The following DLC1 variants were observed in gnomAD, a reference collection of about 807,000 sequenced individuals.
DLC1 encodes DLC1 Rho GTPase activating protein.
DLC1 carries 54 observed loss-of-function variants against 140.3 expected under a neutral mutation model. The ratio of observed to expected loss-of-function variants is 0.38; its 90% confidence interval spans 0.31 to 0.48. The LOEUF (loss-of-function observed/expected upper bound fraction) is 0.48, where lower values mean the gene tolerates loss of function less well. Ranked by LOEUF, DLC1 falls within the 20% of genes least tolerant of loss-of-function variation. DLC1 has a pLI of 0.96. For missense variants in DLC1, 2,536 were observed against 1,907.0 expected, an observed-to-expected ratio of 1.33 and a Z score of -6.14; for synonymous variants, 986 against 728.1, an observed-to-expected ratio of 1.35 and a Z score of -5.70.
chr8:13,123,175 T>C (rs920539781), intron 5 of DLC1, among the ~76,000 whole-genome samples: 7 of 152,162 alleles, frequency 4.6e-5, no homozygotes, highest in Non-Finnish European at 7.4e-5. Flanking sequence ...GAAGTGACCC[T>C]GTACACGTCA....
chr8:13,131,409 A>G (rs910170826), intron 5 of DLC1, among the ~76,000 whole-genome samples: 1 of 152,178 alleles, frequency 6.6e-6, no homozygotes, highest in Admixed American at 6.5e-5. Flanking sequence ...TGTTTTTTCC[A>G]AATACATCAT....
At chr8:13,455,119 C>T (rs1476444463) in intron 2 of DLC1, among the ~76,000 whole-genome samples, 1 of 152,028 alleles carries the variant, frequency 6.6e-6, no homozygotes, top group African/African-American at 2.4e-5. Flanking sequence ...ATAACTCACA[C>T]TTTTCATATA....
chr8:13,413,255 GA>G (rs56948364), intron 2 of DLC1, among the ~76,000 whole-genome samples: 3,252 of 30,116 alleles, frequency 0.11, 195 homozygotes, highest in African/African-American at 0.24. Context: ...ATTTTTTTGC[GA>G]TTTTTTTTTT....
chr8:13,161,880 G>A (rs1263135137), intron 5 of DLC1, among the ~76,000 whole-genome samples: 1 of 152,172 alleles, frequency 6.6e-6, no homozygotes, highest in Non-Finnish European at 1.5e-5. Flanking sequence ...AGTATTTTTA[G>A]ACATAAGGGA....
intron 5 of DLC1, among the ~76,000 whole-genome samples, chr8:13,196,984 A>T (rs775914240): frequency 1.3e-4 from 20 of 152,274 alleles, no homozygotes; most frequent in Admixed American, 2.0e-4. Flanking sequence ...AAGTATGTTT[A>T]TGCAAGACAA....
At chr8:13,263,843 A>G (rs529989882) in intron 5 of DLC1, among the ~76,000 whole-genome samples, 3 of 151,790 alleles carry the variant, frequency 2.0e-5, no homozygotes, top group South Asian at 2.1e-4. Flanking sequence ...AGATGTACAT[A>G]TCTTAGACTA....
intron 5 of DLC1, among the ~76,000 whole-genome samples, chr8:13,216,811 A>G (rs1828221430): frequency 6.6e-6 from 1 of 152,088 alleles, no homozygotes; most frequent in South Asian, 2.1e-4. Context: ...CAGCTGTGAT[A>G]ATCAAAAATA....
chr8:13,436,921 A>G (rs551556111), intron 2 of DLC1, among the ~76,000 whole-genome samples: 1 of 152,186 alleles, frequency 6.6e-6, no homozygotes, highest in Admixed American at 6.5e-5. Flanking sequence ...GACTCCATCA[A>G]TCTTATTTTT....
intron 1 of DLC1, among the ~76,000 whole-genome samples, chr8:13,592,287 A>G (rs1026148049): frequency 6.6e-6 from 1 of 151,984 alleles, no homozygotes; most frequent in Non-Finnish European, 1.5e-5. Flanking sequence ...TTTTTATTGA[A>G]CTATAAGATC....
intron 1 of DLC1, among the ~76,000 whole-genome samples, chr8:13,530,768 G>A (rs1437194618): frequency 6.6e-6 from 1 of 152,012 alleles, no homozygotes; most frequent in Non-Finnish European, 1.5e-5. Flanking sequence ...AGATTTTTTT[G>A]AATACAAACA....
intron 1 of DLC1, among the ~76,000 whole-genome samples, chr8:13,569,222 A>G (rs937024045): frequency 2.0e-5 from 3 of 152,192 alleles, no homozygotes; most frequent in African/African-American, 7.2e-5. Flanking sequence ...TTACCTGGAG[A>G]TCACTTTTCT....
chr8:13,100,744 A>G lies in DLC1; in HGVS notation c.1593T>C (p.Pro531=). Residue 531 remains proline (P), a synonymous_variant, in exon 9 of 18, where the codon CCT becomes CCC. Transcript: ENST00000276297. The part of the protein sequence containing the change: ...KRSDDSDEDE[P]CAISGKWTFQ... Reference sequence around the variant, plus strand: ...AAGTCCATTTGCCACTGATGGCACAAGGCTCATCCTCGTCTGAATCGTCAC... The same window carrying G: ...AAGTCCATTTGCCACTGATGGCACAGGGCTCATCCTCGTCTGAATCGTCAC... The G allele has an allele frequency of 6.3e-7, 1 of 1,588,104 alleles. No individual in the cohort carries two copies. Among genetic ancestry groups the G allele is most frequent in the Admixed American group, 1.8e-5 (1 of 55,962 alleles).
Position 13,092,596 on chromosome 8 carries a change from C to G in DLC1, c.3740+16G>C, listed in dbSNP as rs372133295. 1 of 1,612,560 alleles carries G rather than the reference C, an allele frequency of 6.2e-7. No homozygotes were observed. The highest frequency in any genetic ancestry group is 8.5e-7 in the Non-Finnish European group (1 of 1,179,366). On this transcript the variant is annotated intron_variant, in intron 13 of 17. Transcript: ENST00000276297. The stretch of plus-strand genomic sequence containing the variant: ...GGCTGCCCCCTGTGTGCATGCACCT[C>G]CCATGCAGCCCGTACCTGGGAGAGG...
chr8:13,533,916 G>C (rs1443233077), intron 1 of DLC1, among the ~76,000 whole-genome samples: 1 of 152,098 alleles, frequency 6.6e-6, no homozygotes, highest in African/African-American at 2.4e-5. Context: ...ATTCCACCGT[G>C]ACTGTAAGTT....
At chr8:13,199,462 T>C (rs1466472188) in intron 5 of DLC1, among the ~76,000 whole-genome samples, 1 of 152,138 alleles carries the variant, frequency 6.6e-6, no homozygotes, top group Non-Finnish European at 1.5e-5. Context: ...ATTACAGGCT[T>C]GAGCCACTGG....
At chr8:13,537,298 C>T (rs1489460463) in intron 1 of DLC1, among the ~76,000 whole-genome samples, 2 of 152,136 alleles carry the variant, frequency 1.3e-5, no homozygotes, top group African/African-American at 4.8e-5. Context: ...TCAGGCCCTC[C>T]ACAATAAACT....
intron 1 of DLC1, chr8:13,566,724 A>C (rs1585281492): frequency 2.1e-6 from 1 of 468,056 alleles, no homozygotes; most frequent in African/African-American, 2.0e-5. Flanking sequence ...TGCAGAAGAC[A>C]GGGCAAAATC....
intron 4 of DLC1, among the ~76,000 whole-genome samples, chr8:13,323,018 G>A (rs991865422): frequency 2.6e-5 from 4 of 152,144 alleles, no homozygotes; most frequent in African/African-American, 9.7e-5. Context: ...AGGAAGCAAG[G>A]CCTCCAACAA....
chr8:13,336,253 C>G (rs1833806989), intron 4 of DLC1, among the ~76,000 whole-genome samples: 1 of 151,834 alleles, frequency 6.6e-6, no homozygotes, highest in African/African-American at 2.4e-5. Flanking sequence ...AACATAAACC[C>G]AGTCCTAAGG....
Sources: allele counts gnomAD v4.1 joint callset (sites outside exome capture counted in the v4.1 genomes callset), GRCh38; gene constraint gnomAD v4.1.1; transcripts MANE v1.5; gene names NCBI Gene and HGNC (gene_info 2026-07-23, HGNC 2026-07-21).